RPS29: variants seen among roughly 807,000 people sequenced by gnomAD.
The protein encoded by RPS29 is ribosomal protein S29, also known as small ribosomal subunit protein uS14.
For missense variants in RPS29, 60 were observed against 75.7 expected (o/e 0.79, Z 0.77); for synonymous variants, 37 against 26.9 (o/e 1.37, Z -1.16).
upstream of RPS29, among the ~76,000 whole-genome samples, chr14:49,587,809 C>T (rs891144484): frequency 6.6e-6 from 1 of 152,186 alleles, no homozygotes; most frequent in African/African-American, 2.4e-5. Flanking sequence ...GTTCGAGGTA[C>T]ATTTGAGAGA....
At chr14:49,584,619 C>T (rs1166336663) in intron 2 of RPS29, among the ~76,000 whole-genome samples, 1 of 151,986 alleles carries the variant, frequency 6.6e-6, no homozygotes, top group Non-Finnish European at 1.5e-5. Context: ...TAAAAATAGG[C>T]CGGGCGTGGT....
At chr14:49,598,084 T>C (rs898303949) in intron 1 of RPS29, 19 of 320,954 alleles carry the variant, frequency 5.9e-5, no homozygotes, top group African/African-American at 3.0e-4. Context: ...CACAGTTGTA[T>C]TGAAAAATCG....
chr14:49,590,034 T>A (rs1302593304), upstream of RPS29, among the ~76,000 whole-genome samples: 1 of 152,118 alleles, frequency 6.6e-6, no homozygotes, highest in East Asian at 1.9e-4. Context: ...AGGGCCTACT[T>A]GAGGGTAGAG....
exon 3 of RPS29, chr14:49,571,835 T>A (rs959414783): frequency 6.6e-6 from 1 of 152,182 alleles, no homozygotes; most frequent in African/African-American, 2.4e-5. Context: ...CTAACTTATA[T>A]CCTTCATAAT....
At chr14:49,582,852 T>C (rs1479904288), downstream of RPS29, among the ~76,000 whole-genome samples, 1 of 152,138 alleles carries the variant, frequency 6.6e-6, no homozygotes, top group African/African-American at 2.4e-5. Flanking sequence ...AACCACACAC[T>C]ATACCTACAC....
exon 3 of RPS29, chr14:49,571,433 C>T (rs1274860239): frequency 6.6e-6 from 1 of 152,010 alleles, no homozygotes; most frequent in Non-Finnish European, 1.5e-5. Flanking sequence ...ATTAGAATTC[C>T]CTAAGTAACA....
intron 1 of RPS29, among the ~76,000 whole-genome samples, chr14:49,596,451 C>T (rs562836227): frequency 1.3e-5 from 2 of 152,048 alleles, no homozygotes; most frequent in Admixed American, 6.6e-5. Context: ...GCTCCACAAT[C>T]GATCCACTAA....
upstream of RPS29, among the ~76,000 whole-genome samples, chr14:49,590,981 C>G (rs1028646485): frequency 6.6e-6 from 1 of 151,942 alleles, no homozygotes; most frequent in Non-Finnish European, 1.5e-5. Flanking sequence ...TCAGCCACCA[C>G]GCCCAACCAG....
upstream of RPS29, chr14:49,586,426 C>T: frequency 7.7e-7 from 1 of 1,299,696 alleles, no homozygotes; most frequent in Admixed American, 1.7e-5. Flanking sequence ...GACAGTTTAC[C>T]CAGAATGCAG....
intron 1 of RPS29, among the ~76,000 whole-genome samples, chr14:49,594,964 T>C (rs1375565285): frequency 6.6e-6 from 1 of 152,214 alleles, no homozygotes; most frequent in Non-Finnish European, 1.5e-5. Context: ...TATTTGAACT[T>C]GCCCTTTTTG....
At position 49,583,627 on chromosome 14, in the gene RPS29, T is replaced by C. The variant is rs757490523; in HGVS notation, c.*40A>G. 194 of 1,577,658 alleles carry C rather than the reference T, an allele frequency of 1.2e-4. 1 individual carries two copies. The South Asian group carries it at 1.5e-3, about 12-fold the overall frequency. On this transcript the variant is annotated 3_prime_UTR_variant, in exon 3 of 3. Transcript: ENST00000245458. Reference sequence around the variant, plus strand: ...TACAAAGAATTATCATGGTTTTTCATTGAGTAGATGCCCCGGATAATCCTC... The same window carrying C: ...TACAAAGAATTATCATGGTTTTTCACTGAGTAGATGCCCCGGATAATCCTC...
chr14:49,577,722 C>T, exon 3 of RPS29: 4 of 997,318 alleles, frequency 4.0e-6, no homozygotes, highest in South Asian at 3.9e-5. Flanking sequence ...ACATATCAGT[C>T]TGACTGGTTC....
chr14:49,592,634 C>T (rs1358562789), intron 1 of RPS29, among the ~76,000 whole-genome samples: 3 of 151,178 alleles, frequency 2.0e-5, no homozygotes, highest in South Asian at 2.1e-4. Flanking sequence ...ACTTGCCGGG[C>T]GCAGTGGCTC....
chr14:49,582,080 A>G (rs1012511624), downstream of RPS29, among the ~76,000 whole-genome samples: 2 of 151,764 alleles, frequency 1.3e-5, no homozygotes, highest in Admixed American at 1.3e-4. Flanking sequence ...ATGCAAGCAA[A>G]TATCACTTGC....
At chr14:49,586,494 G>GA, upstream of RPS29, 4 of 708,834 alleles carry the variant, frequency 5.6e-6, no homozygotes, top group Non-Finnish European at 1.0e-5. Flanking sequence ...TGAGTAAAAT[G>GA]AAATCTTAGA....
chr14:49,577,277 G>C (rs1881208816), exon 3 of RPS29: 1 of 155,838 alleles, frequency 6.4e-6, no homozygotes, highest in African/African-American at 2.4e-5. Flanking sequence ...AACTGTTGGG[G>C]GCATTAGCCA....
chr14:49,590,904 T>A (rs534905184), upstream of RPS29, among the ~76,000 whole-genome samples: 1 of 152,262 alleles, frequency 6.6e-6, no homozygotes, highest in East Asian at 1.9e-4. Context: ...TTGGCCAGGC[T>A]GGTCTCGAAC....
chr14:49,587,271 C>T (rs1047634767), upstream of RPS29, among the ~76,000 whole-genome samples: 1 of 152,018 alleles, frequency 6.6e-6, no homozygotes, highest in African/African-American at 2.4e-5. Context: ...GTTGCTTTGA[C>T]CAGATAATTT....
chr14:49,586,587 G>A (rs1247201028), upstream of RPS29: 4 of 537,338 alleles, frequency 7.4e-6, no homozygotes, highest in African/African-American at 3.8e-5. Flanking sequence ...ACCGCCGGGC[G>A]CGGTGGCGCG....
Sources: allele counts gnomAD v4.1 joint callset (sites outside exome capture counted in the v4.1 genomes callset), GRCh38; gene constraint gnomAD v4.1.1; transcripts MANE v1.5; gene names NCBI Gene and HGNC (gene_info 2026-07-23, HGNC 2026-07-21).